KDM4B: variants seen among roughly 807,000 people sequenced by gnomAD.
The protein encoded by KDM4B is lysine-specific demethylase 4B.
A neutral mutation model predicts 125.2 loss-of-function variants in KDM4B; 32 were observed. The ratio of observed to expected loss-of-function variants is 0.26; its 90% confidence interval spans 0.19 to 0.34. The LOEUF (loss-of-function observed/expected upper bound fraction) is 0.34, where lower values mean the gene tolerates loss of function less well. Among genes scored for constraint, KDM4B ranks in the 10% least tolerant of loss-of-function variants. The probability of loss-of-function intolerance (pLI) is 1.00; values close to 1 mark genes in which losing one functional copy is unlikely to be tolerated. For missense variants in KDM4B, 1,190 were observed against 1,577.7 expected, an observed-to-expected ratio of 0.75 and a Z score of 4.16; for synonymous variants, 721 against 677.9, an observed-to-expected ratio of 1.06 and a Z score of -0.99.
chr19:5,064,562 T>G (rs1237191233), intron 6 of KDM4B, among the ~76,000 whole-genome samples: 1 of 152,110 alleles, frequency 6.6e-6, no homozygotes, highest in East Asian at 1.9e-4. Context: ...TGGGTTGGAT[T>G]CCAAGTGCCA....
rs573128523 is a variant in KDM4B at position 5,009,834 on chromosome 19, C to T, written c.-108-6423C>T. On this transcript the variant is annotated intron_variant, in intron 1 of 22. Transcript: ENST00000159111. Reference sequence around the variant, plus strand: ...GCAGCCACTGCCTCCCAGGTTCAAGCGATTCTCCTGCCTCAGCCTCCTGAG... The same window carrying T: ...GCAGCCACTGCCTCCCAGGTTCAAGTGATTCTCCTGCCTCAGCCTCCTGAG... 9.9e-5 allele frequency among the ~76,000 whole-genome samples: 15 copies of T among 152,156 alleles called. No individual in the cohort carries two copies. The South Asian group carries it at 1.7e-3, about 17-fold the overall frequency.
Position 5,070,799 on chromosome 19 carries a change from C to A in KDM4B, c.627-211C>A, listed in dbSNP as rs946498328. The A allele has an allele frequency of 3.1e-5, 16 of 522,036 alleles. No homozygotes were observed. In the Admixed American group the frequency reaches 5.0e-4, roughly 16 times the overall value. The allele number at this position is 522,036 out of a possible 1,614,324, so 32.3% of individuals were successfully genotyped here. A position where few individuals can be genotyped will look rare whatever the true frequency, so the allele number is the denominator to read the frequency against. On this transcript the variant is annotated intron_variant, in intron 6 of 22. Coordinates refer to ENST00000159111, the MANE Select transcript of KDM4B (RefSeq NM_015015.3). ...CCACCGAGCCATGGTCCTCACTCCC[C>A]GCTCCTCCACCTGCCCCACCTCGCT...
rs567905964 is a variant in KDM4B, at chr19:5,114,026, C to T, written c.1115+3208C>T. 16 of 1,282,134 alleles carry T rather than the reference C, an allele frequency of 1.2e-5. No individual in the cohort carries two copies. The African/African-American group carries it at 2.3e-4, about 18-fold the overall frequency. 79.4% of individuals were successfully genotyped at this position (1,282,134 alleles called of 1,614,324 possible). On this transcript the variant is annotated intron_variant, in intron 10 of 22. Transcript: ENST00000159111. The surrounding 1 kb of genome is among the most constrained non-coding windows in gnomAD (Gnocchi z 5.8). Reference sequence around the variant, plus strand: ...GCGTTGGGGGCTGTTTGTATTCTTCCCCCTGATGGATGGGTCGCCTAAAAC... The same window carrying T: ...GCGTTGGGGGCTGTTTGTATTCTTCTCCCTGATGGATGGGTCGCCTAAAAC...
At chr19:4,977,930 T>C (rs1004277949) in intron 1 of KDM4B, among the ~76,000 whole-genome samples, 18 of 152,200 alleles carry the variant, frequency 1.2e-4, no homozygotes, top group Admixed American at 2.0e-4. Context: ...ACCGGGACAG[T>C]CGCGTCATGT....
intron 9 of KDM4B, among the ~76,000 whole-genome samples, chr19:5,090,293 C>T (rs987546044): frequency 6.6e-6 from 1 of 151,778 alleles, no homozygotes; most frequent in African/African-American, 2.4e-5. Context: ...GGTGCAGTAC[C>T]CGGTTCGTTT....
intron 1 of KDM4B, among the ~76,000 whole-genome samples, chr19:4,973,837 A>C (rs1333521275): frequency 2.3e-5 from 3 of 130,494 alleles, no homozygotes; most frequent in Non-Finnish European, 3.5e-5. Flanking sequence ...AAAAAAAAAA[A>C]AAAAAAAACT....
At chr19:5,131,006 T>A in intron 11 of KDM4B, 70 bp from the exon 12 acceptor site, 4 of 1,185,898 alleles carry the variant, frequency 3.4e-6, no homozygotes, top group Non-Finnish European at 4.6e-6. Flanking sequence ...GTTGGGGGAT[T>A]TCTGGGGAGC....
At chr19:5,033,094 C>T in intron 3 of KDM4B, 63 bp downstream of exon 3, 1 of 1,575,858 alleles carries the variant, frequency 6.3e-7, no homozygotes, top group South Asian at 1.1e-5. Context: ...CTGCGGACAT[C>T]CTGGGTCCCA....
chr19:5,095,625 G>A (rs1229708035), intron 9 of KDM4B, among the ~76,000 whole-genome samples: 9 of 152,088 alleles, frequency 5.9e-5, no homozygotes, highest in African/African-American at 9.7e-5. Context: ...GGATCAGATC[G>A]CAAGGGGCTG....
chr19:5,143,621 C>T (rs1317324401), intron 18 of KDM4B, among the ~76,000 whole-genome samples: 1 of 152,140 alleles, frequency 6.6e-6, no homozygotes, highest in Non-Finnish European at 1.5e-5. Flanking sequence ...GGCTGAGCGA[C>T]ACCACGTGGG....
Position 5,126,189 on chromosome 19 carries a change from C to T in KDM4B, c.1316-4887C>T, listed in dbSNP as rs943386834. Among the ~76,000 whole-genome samples, 14 of 152,246 alleles carry T rather than the reference C, an allele frequency of 9.2e-5. No homozygotes were observed. The South Asian group carries it at 2.9e-3, about 32-fold the overall frequency. On this transcript the variant is annotated intron_variant, in intron 11 of 22. Coordinates refer to ENST00000159111, the MANE Select transcript of KDM4B (RefSeq NM_015015.3). ...GGGGCATCAGCATCGGGGAGGAAGC[C>T]CCTCAGGAGGAGAGGTGCCTGGGGG... is the stretch of plus-strand genomic sequence containing the variant.
chr19:5,039,814 G>A, intron 3 of KDM4B, 22 bp from the exon 4 acceptor site: 1 of 1,608,130 alleles, frequency 6.2e-7, no homozygotes, highest in Non-Finnish European at 8.5e-7. Flanking sequence ...GGGTGCCACT[G>A]ACTCCCATCT....
intron 2 of KDM4B, among the ~76,000 whole-genome samples, chr19:5,018,523 C>T (rs1207916774): frequency 2.6e-5 from 4 of 152,198 alleles, no homozygotes; most frequent in African/African-American, 7.2e-5. Flanking sequence ...TGTGGTTTGG[C>T]AGGTCCCCAG....
rs1222734081 is a variant in KDM4B, at chr19:4,971,173, G to C, written c.-109+1943G>C. 6.6e-6 allele frequency among the ~76,000 whole-genome samples: 1 copy of C among 152,132 alleles called. No homozygotes were observed. Among genetic ancestry groups the C allele is most frequent in the Non-Finnish European group, 1.5e-5 (1 of 68,018 alleles). On this transcript the variant is annotated intron_variant, in intron 1 of 22. Transcript: ENST00000159111. The surrounding 1 kb of genome is among the most constrained non-coding windows in gnomAD (Gnocchi z 4.1). The stretch of plus-strand genomic sequence containing the variant: ...TTTCTAACCCTTTCCTCTTTGGGGA[G>C]GGGGCTGCTAACAAGATGTTAACTG...
chr19:5,059,465 C>T (rs901134715), intron 6 of KDM4B, among the ~76,000 whole-genome samples: 2 of 152,224 alleles, frequency 1.3e-5, no homozygotes, highest in Non-Finnish European at 2.9e-5. Context: ...CGTGTGTGAG[C>T]CAAACCCTCC....
At chr19:4,978,786 C>T (rs2034542123) in intron 1 of KDM4B, among the ~76,000 whole-genome samples, 1 of 152,188 alleles carries the variant, frequency 6.6e-6, no homozygotes, top group Non-Finnish European at 1.5e-5. Flanking sequence ...CAGGCCCAGG[C>T]TGGTGCGTGG....
In KDM4B at chr19:5,108,460, A is replaced by G. The variant is rs567580388; in HGVS notation, c.919-2162A>G. ...GCTCCTGGATCCAGCAGAAGGTTCC[A>G]TGGCCCCCCTGGGACTGGGTAAGGT... On this transcript the variant is annotated intron_variant, in intron 9 of 22. Coordinates refer to ENST00000159111, the MANE Select transcript of KDM4B (RefSeq NM_015015.3). 3.3e-5 allele frequency among the ~76,000 whole-genome samples: 5 copies of G among 152,264 alleles called. No individual in the cohort carries two copies. In the East Asian group the frequency reaches 7.7e-4, roughly 24 times the overall value.
At chr19:5,038,125 G>A (rs913701725) in intron 3 of KDM4B, among the ~76,000 whole-genome samples, 2 of 152,226 alleles carry the variant, frequency 1.3e-5, no homozygotes, top group African/African-American at 4.8e-5. Flanking sequence ...GAGCCGAAGC[G>A]GGTGGGTTAG....
chr19:5,138,888 G>C (rs745449559), intron 18 of KDM4B, among the ~76,000 whole-genome samples: 1 of 152,180 alleles, frequency 6.6e-6, no homozygotes, highest in Non-Finnish European at 1.5e-5. Context: ...TAGACCCCAC[G>C]TGAGTGGGAT....
Sources: allele counts gnomAD v4.1 joint callset (sites outside exome capture counted in the v4.1 genomes callset), GRCh38; gene constraint gnomAD v4.1.1; non-coding constraint Gnocchi (gnomAD v3.1); transcripts MANE v1.5; gene names NCBI Gene and HGNC (gene_info 2026-07-23, HGNC 2026-07-21).